The following KLRG2 variants were observed in gnomAD, a reference collection of about 807,000 sequenced individuals.
The protein encoded by KLRG2 is killer cell lectin like receptor G2, also known as killer cell lectin-like receptor subfamily G member 2.
A neutral mutation model predicts 35.4 loss-of-function variants in KLRG2; 39 were observed. The observed-to-expected ratio is 1.10, with a 90% confidence interval of 0.85 to 1.44. KLRG2 has a LOEUF of 1.44. KLRG2 is among the 40% of genes most tolerant of loss of function. The probability of loss-of-function intolerance (pLI) is 0.00; values close to 1 mark genes in which losing one functional copy is unlikely to be tolerated. For missense variants in KLRG2, 632 were observed against 570.9 expected, an observed-to-expected ratio of 1.11 and a Z score of -1.09; for synonymous variants, 283 against 265.8, an observed-to-expected ratio of 1.06 and a Z score of -0.63.
intron 3 of KLRG2, among the ~76,000 whole-genome samples, chr7:139,474,048 C>T (rs1165906461): frequency 1.4e-5 from 2 of 142,036 alleles, no homozygotes; most frequent in African/African-American, 2.7e-5. Context: ...GACCTAGTCT[C>T]ACTCTGTCAC....
intron 3 of KLRG2, among the ~76,000 whole-genome samples, chr7:139,477,845 G>A (rs191802245): frequency 7.9e-5 from 12 of 151,736 alleles, no homozygotes; most frequent in East Asian, 5.8e-4. Flanking sequence ...TGCAAGCTCC[G>A]CCTCCCAGGT....
At chr7:139,442,027 A>G in the KLRG2 span, among the ~76,000 whole-genome samples, 1 of 152,188 alleles carries the variant, frequency 6.6e-6, no homozygotes, top group African/African-American at 2.4e-5. Flanking sequence ...AGGGATGCCA[A>G]CTGCCCTGAA....
In KLRG2 at chr7:139,483,100, C is replaced by T; in HGVS notation, c.543G>A (p.Thr181=). 6 of 1,438,486 alleles carry T rather than the reference C, an allele frequency of 4.2e-6. No individual in the cohort carries two copies. Among genetic ancestry groups the T allele is most frequent in the African/African-American group, 1.5e-5 (1 of 66,896 alleles). 89.1% of individuals were successfully genotyped at this position (1,438,486 alleles called of 1,614,324 possible). A position where few individuals can be genotyped will look rare whatever the true frequency, so the allele number is the denominator to read the frequency against. ...CAGCCAGCGGCGAGCGGCGGCCCCA[C>T]GTGCCGCCCTGGGATGGTGCGCGCA... ...LLLRAPSQGG[T]WGRRSPLAAA... Residue 181 remains threonine (T), a synonymous_variant, in exon 1 of 5, where the codon ACG becomes ACA. Transcript: ENST00000340940.
the KLRG2 span, among the ~76,000 whole-genome samples, chr7:139,433,515 G>A: frequency 6.6e-6 from 1 of 152,016 alleles, no homozygotes; most frequent in African/African-American, 2.4e-5. Flanking sequence ...TAGTAGAGAC[G>A]GGGTTTCTCC....
chr7:139,438,127 C>G, the KLRG2 span, among the ~76,000 whole-genome samples: 1 of 152,238 alleles, frequency 6.6e-6, no homozygotes. Context: ...CTGCTCCAGC[C>G]AAGGCCGGGC....
intron 3 of KLRG2, among the ~76,000 whole-genome samples, chr7:139,462,131 G>A (rs969255399): frequency 1.3e-5 from 2 of 152,186 alleles, no homozygotes; most frequent in African/African-American, 2.4e-5. Context: ...GACAGGAGAC[G>A]CGTTTTATCC....
intron 1 of KLRG2, among the ~76,000 whole-genome samples, chr7:139,481,650 C>A (rs1796961441): frequency 6.6e-6 from 1 of 152,094 alleles, no homozygotes; most frequent in African/African-American, 2.4e-5. Flanking sequence ...TCTGGCTGGC[C>A]CGGTGGTTCA....
chr7:139,445,781 G>GTATATATATATATATATATATGTATA, the KLRG2 span, among the ~76,000 whole-genome samples: 3 of 98,472 alleles, frequency 3.0e-5, no homozygotes, highest in South Asian at 2.7e-4. Flanking sequence ...ATATATATAT[G>GTATATATATATATATATATATGTATA]TATATATATA....
chr7:139,444,501 G>A, the KLRG2 span, among the ~76,000 whole-genome samples: 1 of 152,094 alleles, frequency 6.6e-6, no homozygotes, highest in African/African-American at 2.4e-5. Context: ...GTTTAGATGA[G>A]GTCATGATGG....
the KLRG2 span, among the ~76,000 whole-genome samples, chr7:139,434,776 G>T: frequency 6.6e-6 from 1 of 152,166 alleles, no homozygotes; most frequent in Non-Finnish European, 1.5e-5. Flanking sequence ...TGCGGCGCGG[G>T]CGGCCAGGAG....
At chr7:139,444,197 T>C in the KLRG2 span, among the ~76,000 whole-genome samples, 2 of 152,204 alleles carry the variant, frequency 1.3e-5, no homozygotes, top group Non-Finnish European at 2.9e-5. Context: ...GGTCTGCCTC[T>C]TCCAGTCCAC....
the KLRG2 span, among the ~76,000 whole-genome samples, chr7:139,440,938 A>G: frequency 6.6e-6 from 1 of 152,000 alleles, no homozygotes; most frequent in Non-Finnish European, 1.5e-5. Context: ...TGTGTAGATT[A>G]TATTTCTTTT....
chr7:139,445,781 G>GTGTGTATATA, the KLRG2 span, among the ~76,000 whole-genome samples: 3 of 98,486 alleles, frequency 3.0e-5, no homozygotes, highest in African/African-American at 2.3e-4. Context: ...ATATATATAT[G>GTGTGTATATA]TATATATATA....
intron 3 of KLRG2, among the ~76,000 whole-genome samples, chr7:139,477,007 T>C (rs547093463): frequency 1.3e-5 from 2 of 152,288 alleles, no homozygotes; most frequent in African/African-American, 4.8e-5. Flanking sequence ...GAGTAAGTGC[T>C]TAATACACAC....
chr7:139,459,016 T>G (rs1796524574), intron 3 of KLRG2, among the ~76,000 whole-genome samples: 2 of 152,254 alleles, frequency 1.3e-5, no homozygotes, highest in South Asian at 2.1e-4. Context: ...AATCATTATA[T>G]TCCAGATTTT....
chr7:139,454,357 A>C, intron 3 of KLRG2, 143 bp from the exon 4 acceptor site: 1 of 630,152 alleles, frequency 1.6e-6, no homozygotes, highest in South Asian at 1.8e-5. Flanking sequence ...GAACAAAAAA[A>C]CCTTGAAAGC....
the KLRG2 span, among the ~76,000 whole-genome samples, chr7:139,439,860 G>GT: frequency 6.6e-6 from 1 of 151,932 alleles, no homozygotes; most frequent in Non-Finnish European, 1.5e-5. Context: ...TGATGCTTTT[G>GT]TTTAAAAAAA....
chr7:139,456,893 A>G (rs916339831), intron 3 of KLRG2, among the ~76,000 whole-genome samples: 3 of 152,066 alleles, frequency 2.0e-5, no homozygotes, highest in Admixed American at 1.3e-4. Context: ...AACCCAGTAC[A>G]CAGTAGGTCA....
chr7:139,457,489 C>A (rs56123970), intron 3 of KLRG2, among the ~76,000 whole-genome samples: 10,844 of 152,174 alleles, frequency 0.071, 526 homozygotes, highest in Non-Finnish European at 0.11. Flanking sequence ...GTCTGTAAAA[C>A]GAAGATGCTT....
Sources: gnomAD v4.1 joint callset for allele counts (sites outside exome capture counted in the v4.1 genomes callset) on GRCh38, gnomAD v4.1.1 for gene constraint, MANE v1.5 for transcripts, NCBI Gene and HGNC (gene_info 2026-07-23, HGNC 2026-07-21) for gene names.